Variants in LNX1 observed in about 807,000 individuals in gnomAD.
LNX1 encodes the protein E3 ubiquitin-protein ligase LNX.
LNX1 carries 54 observed loss-of-function variants against 68.4 expected under a neutral mutation model. The observed-to-expected ratio is 0.79, with a 90% CI of 0.63 to 0.99. The LOEUF is 0.99. LNX1 is among the 50% of genes least tolerant of loss of function. LNX1 has a pLI of 0.00. For missense variants in LNX1, 906 were observed against 926.4 expected, an observed-to-expected ratio of 0.98 and a Z score of 0.29; for synonymous variants, 336 against 350.0, an observed-to-expected ratio of 0.96 and a Z score of 0.45.
chr4:53,602,380 A>G (rs1329529819), intron 2 of LNX1, among the ~76,000 whole-genome samples: 1 of 152,186 alleles, frequency 6.6e-6, no homozygotes, highest in Non-Finnish European at 1.5e-5. Context: ...GAGAGGAGGG[A>G]AGGTTAGGTG....
chr4:53,507,891 A>G, intron 3 of LNX1, 95 bp downstream of exon 3: 1 of 1,467,890 alleles, frequency 6.8e-7, no homozygotes, highest in Admixed American at 2.3e-5. Flanking sequence ...ATTTCCCCTT[A>G]AAAAACATTT....
At chr4:53,648,563 T>C (rs1477703779) in intron 1 of LNX1, among the ~76,000 whole-genome samples, 1 of 152,230 alleles carries the variant, frequency 6.6e-6, no homozygotes, top group Non-Finnish European at 1.5e-5. Flanking sequence ...CCTGTCTTTT[T>C]ACTCTGTTGT....
At chr4:53,471,972 C>T (rs528440543) in intron 9 of LNX1, among the ~76,000 whole-genome samples, 10 of 152,200 alleles carry the variant, frequency 6.6e-5, no homozygotes, top group Non-Finnish European at 1.3e-4. Flanking sequence ...TTTGACCCAG[C>T]CATCCCATTA....
intron 2 of LNX1, among the ~76,000 whole-genome samples, chr4:53,609,787 A>T (rs2109846445): frequency 6.9e-6 from 1 of 145,292 alleles, no homozygotes; most frequent in South Asian, 2.1e-4. Context: ...ATAATATATT[A>T]TTTAAATATA....
In LNX1 at chr4:53,645,332, C is replaced by T. The variant is rs151000270; in HGVS notation, c.-215+6836G>A. Among the ~76,000 whole-genome samples, 261 of 152,262 alleles carry T rather than the reference C, an allele frequency of 1.7e-3. 2 individuals carry two copies. The highest frequency in any genetic ancestry group is 3.0e-3 in the Non-Finnish European group (204 of 68,026). On this transcript the variant is annotated intron_variant, in intron 1 of 2. Transcript: ENST00000507168. The stretch of plus-strand genomic sequence containing the variant: ...GTCACCAGCCTGGAGTTTGGCAGAG[C>T]CCTCTTGTGCAGAGGGTGAATGAAG...
chr4:53,467,711 C>T (rs567044864), intron 9 of LNX1, among the ~76,000 whole-genome samples: 1 of 152,006 alleles, frequency 6.6e-6, no homozygotes, highest in Non-Finnish European at 1.5e-5. Context: ...CCTCAGTAGC[C>T]GATGCGATCA....
chr4:53,636,988 T>C (rs1288114245), intron 1 of LNX1, among the ~76,000 whole-genome samples: 1 of 150,532 alleles, frequency 6.6e-6, no homozygotes, highest in African/African-American at 2.4e-5. Flanking sequence ...GAGATGATGA[T>C]TTGGATGACA....
At chr4:53,556,593 G>C (rs773114435) in intron 2 of LNX1, among the ~76,000 whole-genome samples, 1 of 152,198 alleles carries the variant, frequency 6.6e-6, no homozygotes, top group African/African-American at 2.4e-5. Context: ...TTGTCTGTTT[G>C]TCTAGAAAAG....
intron 2 of LNX1, among the ~76,000 whole-genome samples, chr4:53,557,158 C>T (rs757546856): frequency 5.3e-5 from 8 of 152,158 alleles, no homozygotes; most frequent in Non-Finnish European, 8.8e-5. Context: ...CATTTCCTTG[C>T]ATAAAATGGA....
At chr4:53,647,394 C>A (rs911096287) in intron 1 of LNX1, among the ~76,000 whole-genome samples, 5 of 152,112 alleles carry the variant, frequency 3.3e-5, no homozygotes, top group African/African-American at 1.2e-4. Context: ...CTCTTTTTCT[C>A]CCTCTCTTTT....
chr4:53,463,579 T>G (rs552262151), intron 9 of LNX1, among the ~76,000 whole-genome samples: 2 of 152,208 alleles, frequency 1.3e-5, no homozygotes, highest in East Asian at 3.9e-4. Flanking sequence ...GCTTTAAACT[T>G]TGAATGTGAA....
At chr4:53,650,595 A>G (rs893907388) in intron 1 of LNX1, among the ~76,000 whole-genome samples, 1 of 152,190 alleles carries the variant, frequency 6.6e-6, no homozygotes, top group Non-Finnish European at 1.5e-5. Context: ...ATAAATAGAT[A>G]CGTAAATAGA....
chr4:53,478,471 C>T (rs566897822), intron 8 of LNX1, 94 bp downstream of exon 8: 1 of 1,130,954 alleles, frequency 8.8e-7, no homozygotes, highest in Non-Finnish European at 1.3e-6. Flanking sequence ...CTCCCACATT[C>T]TCTCATTAAT....
chr4:53,565,080 T>C (rs4256279), intron 2 of LNX1, among the ~76,000 whole-genome samples: 86,954 of 150,828 alleles, frequency 0.58, 25,486 homozygotes, highest in Non-Finnish European at 0.63. Flanking sequence ...GAGGGGCGCC[T>C]ACCATTGCCC....
chr4:53,530,920 C>A (rs1442253104), intron 2 of LNX1, among the ~76,000 whole-genome samples: 2 of 152,070 alleles, frequency 1.3e-5, no homozygotes, highest in Admixed American at 1.3e-4. Context: ...TCCCAGCACC[C>A]TGGGAGGCTT....
At chr4:53,634,841 A>G (rs1734408383) in intron 1 of LNX1, among the ~76,000 whole-genome samples, 1 of 149,720 alleles carries the variant, frequency 6.7e-6, no homozygotes, top group Non-Finnish European at 1.5e-5. Context: ...TTTTATTATT[A>G]TTATTTTTTT....
chr4:53,641,218 C>A (rs918419469), intron 1 of LNX1, among the ~76,000 whole-genome samples: 1 of 152,102 alleles, frequency 6.6e-6, no homozygotes, highest in Admixed American at 6.5e-5. Flanking sequence ...TGGGGGGGCA[C>A]CTCCTTTACT....
chr4:53,560,500 C>A (rs185507428), intron 2 of LNX1, among the ~76,000 whole-genome samples: 2 of 152,290 alleles, frequency 1.3e-5, no homozygotes, highest in East Asian at 3.9e-4. Flanking sequence ...TACATGTAGA[C>A]CCTCTCACAG....
intron 2 of LNX1, among the ~76,000 whole-genome samples, chr4:53,524,574 C>T (rs527722116): frequency 6.6e-6 from 1 of 152,226 alleles, no homozygotes; most frequent in East Asian, 1.9e-4. Flanking sequence ...AATGACAGAT[C>T]AAGAAATGAA....
Sources: gnomAD v4.1 joint callset for allele counts (sites outside exome capture counted in the v4.1 genomes callset) on GRCh38, gnomAD v4.1.1 for gene constraint, MANE v1.5 for transcripts, NCBI Gene and HGNC (gene_info 2026-07-23, HGNC 2026-07-21) for gene names.